KIAA1217: variants seen among roughly 807,000 people sequenced by gnomAD.
KIAA1217 encodes the protein KIAA1217.
In KIAA1217, 88 loss-of-function variants were observed where a neutral mutation model predicts 163.9. That is an observed-to-expected ratio of 0.54 (90% confidence interval 0.45 to 0.64). The LOEUF (loss-of-function observed/expected upper bound fraction) is 0.64. KIAA1217 is among the 30% of genes least tolerant of loss of function. The pLI, the probability that KIAA1217 is intolerant of heterozygous loss-of-function variation, is 0.00. For missense variants in KIAA1217, 2,372 were observed against 2,475.0 expected, an observed-to-expected ratio of 0.96 and a Z score of 0.88; for synonymous variants, 903 against 923.1, an observed-to-expected ratio of 0.98 and a Z score of 0.39.
rs758924068 is a variant in KIAA1217 at position 24,473,611 on chromosome 10, T to A, written c.1230T>A (p.His410Gln). Reference protein sequence around the residue: ...HEGRMSIASSHGGHPLDVPDH... With the variant: ...HEGRMSIASSQGGHPLDVPDH... ...GACGGATGAGCATAGCCTCATCCCA[T>A]GGTGGACACCCACTGGATGTCCCCG... Residue 410 changes from histidine (H) to glutamine (Q), a missense_variant, in exon 6 of 21, where the codon CAT becomes CAA. Physicochemically the swap from His to Gln is conservative, Grantham distance 24. This residue lies in a region of KIAA1217 where 1,431 missense variants were observed against 1,470.3 expected (regional missense o/e 0.97). Transcript: ENST00000376454. 1.1e-5 allele frequency: 18 copies of A among 1,614,062 alleles called. No individual in the cohort carries two copies. The highest frequency in any genetic ancestry group is 1.2e-5 in the Non-Finnish European group (14 of 1,180,038).
At position 24,273,213 on chromosome 10, in the gene KIAA1217, A is replaced by G. The variant is rs540951146; in HGVS notation, c.354+53304A>G. 4.6e-5 allele frequency among the ~76,000 whole-genome samples: 7 copies of G among 152,296 alleles called. No individual in the cohort carries two copies. The South Asian group carries it at 1.4e-3, about 32-fold the overall frequency. ...AGAAATTATGTTTAGAGGCTGATAA[A>G]TTTCCCTATGGTTACTATCAAGAGA... On this transcript the variant is annotated intron_variant, in intron 2 of 20. Transcript: ENST00000376454.
At chr10:24,536,968 A>G in intron 17 of KIAA1217, 75 bp downstream of exon 17, 1 of 1,551,350 alleles carries the variant, frequency 6.4e-7, no homozygotes, top group South Asian at 1.2e-5. Flanking sequence ...CACGGCTCTT[A>G]TACTCGACCT....
intron 2 of KIAA1217, among the ~76,000 whole-genome samples, chr10:24,068,574 G>A (rs191438029): frequency 2.0e-5 from 3 of 152,128 alleles, no homozygotes; most frequent in African/African-American, 7.2e-5. Context: ...CTACCACTTT[G>A]CCCAGTCTTC....
chr10:23,918,733 TACACACACAC>T lies in KIAA1217; in HGVS notation c.-320-88468_-320-88459del, dbSNP rs1554823731. Among the ~76,000 whole-genome samples the T allele has an allele frequency of 1.8e-3, 262 of 147,580 alleles. 4 individuals carry two copies. Among genetic ancestry groups the T allele is most frequent in the South Asian group, 0.016 (75 of 4,626 alleles). ...GTGTGATCTTTAAGAATTAAATATA[TACACACACAC>T]ACACACACACACACACACACACATA... On this transcript the variant is annotated intron_variant, in intron 1 of 18. Coordinates refer to the KIAA1217 transcript ENST00000376462.
intron 2 of KIAA1217, among the ~76,000 whole-genome samples, chr10:24,150,715 G>A (rs1195861347): frequency 6.6e-6 from 1 of 152,098 alleles, no homozygotes; most frequent in Non-Finnish European, 1.5e-5. Context: ...GGCTGCATCT[G>A]GGATCCCTGA....
intron 2 of KIAA1217, among the ~76,000 whole-genome samples, chr10:24,172,806 T>C (rs1399828220): frequency 6.6e-6 from 1 of 152,240 alleles, no homozygotes; most frequent in African/African-American, 2.4e-5. Flanking sequence ...ATTTGGAATC[T>C]GCTTTTCACT....
intron 3 of KIAA1217, among the ~76,000 whole-genome samples, chr10:24,399,076 A>G (rs2131003188): frequency 1.3e-5 from 2 of 152,316 alleles, no homozygotes; most frequent in Admixed American, 1.3e-4. Context: ...ATAATAATAG[A>G]AGTGGACCCA....
intron 2 of KIAA1217, among the ~76,000 whole-genome samples, chr10:24,260,811 A>G (rs1349044836): frequency 6.6e-6 from 1 of 152,074 alleles, no homozygotes; most frequent in Non-Finnish European, 1.5e-5. Context: ...TTTAGACATC[A>G]TACCTTTTGT....
chr10:24,309,350 GCACACACACACA>G lies in KIAA1217; in HGVS notation c.355-71501_355-71490del, dbSNP rs760597469. 1.1e-4 allele frequency among the ~76,000 whole-genome samples: 15 copies of G among 132,284 alleles called. 1 individual carries two copies. Among genetic ancestry groups the G allele is most frequent in the Non-Finnish European group, 1.6e-4 (10 of 64,514 alleles). 86.8% of individuals were successfully genotyped at this position (132,284 alleles called of 152,430 possible). On this transcript the variant is annotated intron_variant, in intron 2 of 20. Transcript: ENST00000376454. ...CAAATAGGCGCGCGCACGCGCGCGC[GCACACACACACA>G]CACACACACACACACACGGGCTTCC...
At chr10:24,536,601 T>C (rs2074050011) in intron 16 of KIAA1217, among the ~76,000 whole-genome samples, 173 bp from the exon 17 acceptor site, 1 of 152,098 alleles carries the variant, frequency 6.6e-6, no homozygotes, top group African/African-American at 2.4e-5. Context: ...AAGCCAGCTT[T>C]GTCAACATGA....
chr10:24,398,635 C>T (rs984791709), intron 3 of KIAA1217, among the ~76,000 whole-genome samples: 4 of 151,996 alleles, frequency 2.6e-5, no homozygotes, highest in African/African-American at 7.3e-5. Flanking sequence ...TTTTATATAT[C>T]GACATATTTC....
intron 2 of KIAA1217, among the ~76,000 whole-genome samples, chr10:24,370,003 C>T (rs1031948197): frequency 3.3e-5 from 5 of 152,196 alleles, no homozygotes; most frequent in South Asian, 2.1e-4. Context: ...CGGCGGCTCA[C>T]GCCTGTAATC....
At chr10:24,542,547 A>G in intron 17 of KIAA1217, 146 bp from the exon 18 acceptor site, 3 of 1,473,884 alleles carry the variant, frequency 2.0e-6, no homozygotes, top group Non-Finnish European at 2.7e-6. Context: ...TCCAAGGTAA[A>G]CAGCTGTAGG....
intron 2 of KIAA1217, among the ~76,000 whole-genome samples, chr10:24,374,880 G>A (rs902251137): frequency 6.6e-6 from 1 of 152,132 alleles, no homozygotes; most frequent in Non-Finnish European, 1.5e-5. Flanking sequence ...TCAACCTCGG[G>A]CTCAAGCCAT....
chr10:23,979,605 T>C (rs1400627804), intron 1 of KIAA1217, among the ~76,000 whole-genome samples: 1 of 152,206 alleles, frequency 6.6e-6, no homozygotes, highest in Admixed American at 6.5e-5. Flanking sequence ...ATTTTGCTGT[T>C]GTTGTTTTCC....
Position 24,531,894 on chromosome 10 carries a change from G to C in KIAA1217, c.3147G>C (p.Pro1049=). 1 of 1,609,628 alleles carries C rather than the reference G, an allele frequency of 6.2e-7. No individual in the cohort carries two copies. Among genetic ancestry groups the C allele is most frequent in the South Asian group, 1.1e-5 (1 of 90,214 alleles). The change falls in exon 15 of 21, where the codon CCG becomes CCC. Residue 1049 remains proline (P), a synonymous_variant. Coordinates refer to ENST00000376454, the MANE Select transcript of KIAA1217 (RefSeq NM_019590.5). ...GGGGAAAGTCGCCCCCTCCTCCTCC[G>C]CCACCTCCTCGTCGAAGCTACCTGC... The part of the protein sequence containing the change: ...KLGGKSPPPP[P]PPPRRSYLPG...
intron 3 of KIAA1217, among the ~76,000 whole-genome samples, chr10:24,430,137 C>A (rs1204769500): frequency 6.6e-6 from 1 of 152,164 alleles, no homozygotes; most frequent in Non-Finnish European, 1.5e-5. Flanking sequence ...CAGAGCAAGG[C>A]AAGACTCAGT....
At chr10:23,890,334 TTCTC>T (rs1273176937) in intron 1 of KIAA1217, among the ~76,000 whole-genome samples, 2 of 151,842 alleles carry the variant, frequency 1.3e-5, no homozygotes, top group East Asian at 1.9e-4. Flanking sequence ...TTTTTAATCT[TTCTC>T]TTTCTTTAAT....
intron 1 of KIAA1217, among the ~76,000 whole-genome samples, chr10:23,909,436 G>A (rs990169737): frequency 4.6e-5 from 7 of 151,830 alleles, no homozygotes; most frequent in South Asian, 2.1e-4. Flanking sequence ...TCTTGGTGAC[G>A]AAATTACTCA....
Sources: allele counts gnomAD v4.1 joint callset (sites outside exome capture counted in the v4.1 genomes callset), GRCh38; gene constraint gnomAD v4.1.1; regional missense constraint gnomAD v4.1.1; transcripts MANE v1.5; gene names NCBI Gene and HGNC (gene_info 2026-07-23, HGNC 2026-07-21).